Variants in FRAS1 observed in about 807,000 individuals in gnomAD.
FRAS1 encodes the protein extracellular matrix organizing protein FRAS1.
Under a neutral mutation model 435.2 loss-of-function variants are expected in FRAS1, and 290 were observed. That is an observed-to-expected ratio of 0.67 (90% confidence interval 0.61 to 0.73). FRAS1 has a LOEUF of 0.73. FRAS1 is among the 30% of genes least tolerant of loss of function. The probability of loss-of-function intolerance (pLI) is 0.00; values close to 1 mark genes in which losing one functional copy is unlikely to be tolerated. For synonymous variants in FRAS1, 1,800 were observed against 1,851.0 expected, an observed-to-expected ratio of 0.97 and a Z score of 0.71; for missense variants, 4,860 against 5,001.5, an observed-to-expected ratio of 0.97 and a Z score of 0.85.
chr4:78,489,584 T>C (rs1023760037), intron 59 of FRAS1, among the ~76,000 whole-genome samples: 4 of 152,156 alleles, frequency 2.6e-5, no homozygotes, highest in Admixed American at 1.3e-4. Context: ...TCAAGGGTTA[T>C]CCATAATTGA....
chr4:78,394,936 T>G (rs7693638), intron 29 of FRAS1, among the ~76,000 whole-genome samples: 21,128 of 151,970 alleles, frequency 0.14, 1,828 homozygotes, highest in African/African-American at 0.25. Flanking sequence ...GTTAAATTTA[T>G]TTCTAATTAT....
intron 2 of FRAS1, among the ~76,000 whole-genome samples, chr4:78,116,422 C>T (rs1743180493): frequency 6.6e-6 from 1 of 152,128 alleles, no homozygotes; most frequent in African/African-American, 2.4e-5. Context: ...CTAATGTTGA[C>T]AGTGGGGTGT....
chr4:78,496,690 G>A, intron 59 of FRAS1, 115 bp from the exon 60 acceptor site: 1 of 1,012,750 alleles, frequency 9.9e-7, no homozygotes, highest in East Asian at 2.5e-5. Flanking sequence ...GGATCCTTTT[G>A]AATTTGTGTG....
chr4:78,118,120 C>T (rs913209774), intron 2 of FRAS1, among the ~76,000 whole-genome samples: 4 of 152,334 alleles, frequency 2.6e-5, no homozygotes, highest in East Asian at 3.9e-4. Context: ...GCCTGGGTAT[C>T]AGCAGCGGAG....
chr4:78,331,501 T>C (rs79023387), intron 18 of FRAS1, among the ~76,000 whole-genome samples: 8,560 of 152,244 alleles, frequency 0.056, 405 homozygotes, highest in East Asian at 0.27. Flanking sequence ...TAACCACCAG[T>C]ACTGACGAAC....
intron 20 of FRAS1, among the ~76,000 whole-genome samples, chr4:78,346,733 A>C (rs553630086): frequency 6.6e-6 from 1 of 151,990 alleles, no homozygotes; most frequent in African/African-American, 2.4e-5. Flanking sequence ...TTTTCTCCTC[A>C]AATCTTTCTC....
intron 51 of FRAS1, among the ~76,000 whole-genome samples, chr4:78,470,444 G>T (rs888219224): frequency 6.6e-6 from 1 of 152,114 alleles, no homozygotes; most frequent in African/African-American, 2.4e-5. Context: ...TTATTGTTCT[G>T]TCATCACTAA....
At chr4:78,490,055 C>A (rs1720303539) in intron 59 of FRAS1, among the ~76,000 whole-genome samples, 1 of 147,028 alleles carries the variant, frequency 6.8e-6, no homozygotes, top group African/African-American at 2.5e-5. Flanking sequence ...TCAGAGAAGA[C>A]AAAGAAGGGT....
chr4:78,079,577 T>C (rs879274726), intron 2 of FRAS1, among the ~76,000 whole-genome samples: 1 of 152,194 alleles, frequency 6.6e-6, no homozygotes, highest in Admixed American at 6.5e-5. Context: ...GACTGAGGTA[T>C]ATATGCGTTC....
chr4:78,160,195 G>A (rs760283192), intron 2 of FRAS1, among the ~76,000 whole-genome samples: 1 of 152,188 alleles, frequency 6.6e-6, no homozygotes, highest in African/African-American at 2.4e-5. Context: ...CCTAAGTAAT[G>A]TGTTTATATA....
At chr4:78,297,425 GGCT>G (rs1186987800) in intron 14 of FRAS1, among the ~76,000 whole-genome samples, 1 of 152,090 alleles carries the variant, frequency 6.6e-6, no homozygotes, top group Non-Finnish European at 1.5e-5. Flanking sequence ...CCTGGAAAAG[GGCT>G]GCATTTTATT....
chr4:78,246,783 A>G (rs1162449351), intron 4 of FRAS1, among the ~76,000 whole-genome samples: 2 of 152,182 alleles, frequency 1.3e-5, no homozygotes, highest in Non-Finnish European at 2.9e-5. Flanking sequence ...AAGAGGTGGT[A>G]CCAGGGACAT....
intron 2 of FRAS1, among the ~76,000 whole-genome samples, chr4:78,161,568 A>C (rs1191732081): frequency 6.6e-6 from 1 of 151,906 alleles, no homozygotes; most frequent in Non-Finnish European, 1.5e-5. Context: ...TTTCTAGATA[A>C]AGTCTTCATG....
At chr4:78,126,143 A>G (rs1311288336) in intron 2 of FRAS1, among the ~76,000 whole-genome samples, 1 of 152,138 alleles carries the variant, frequency 6.6e-6, no homozygotes, top group Non-Finnish European at 1.5e-5. Context: ...CCAGCATCCC[A>G]GGTTGATCTC....
intron 61 of FRAS1, among the ~76,000 whole-genome samples, chr4:78,503,457 C>T: frequency 6.6e-6 from 1 of 152,098 alleles, no homozygotes; most frequent in South Asian, 2.1e-4. Context: ...TGTATGTGTC[C>T]AGGAATTTAT....
chr4:78,390,853 A>G (rs1732416438), intron 29 of FRAS1, among the ~76,000 whole-genome samples: 1 of 152,236 alleles, frequency 6.6e-6, no homozygotes, highest in Non-Finnish European at 1.5e-5. Flanking sequence ...TGGAATGGCC[A>G]AGTGGCTTGT....
At chr4:78,155,889 T>G (rs1034036615) in intron 2 of FRAS1, among the ~76,000 whole-genome samples, 1 of 152,256 alleles carries the variant, frequency 6.6e-6, no homozygotes, top group East Asian at 1.9e-4. Flanking sequence ...GTTAGCTCAT[T>G]TTTCATCAGG....
chr4:78,410,106 C>T (rs1733274996), intron 31 of FRAS1, among the ~76,000 whole-genome samples: 1 of 152,122 alleles, frequency 6.6e-6, no homozygotes, highest in African/African-American at 2.4e-5. Flanking sequence ...GCAAAGACCT[C>T]AATCAAAAGA....
chr4:78,113,993 A>G (rs994020774), intron 2 of FRAS1, among the ~76,000 whole-genome samples: 2 of 152,140 alleles, frequency 1.3e-5, no homozygotes, highest in Non-Finnish European at 2.9e-5. Context: ...TCCATCTTGA[A>G]TTAATTTTTG....
Sources: allele counts gnomAD v4.1 joint callset (sites outside exome capture counted in the v4.1 genomes callset), GRCh38; gene constraint gnomAD v4.1.1; transcripts MANE v1.5; gene names NCBI Gene and HGNC (gene_info 2026-07-23, HGNC 2026-07-21).